SYNE1: variants seen among roughly 807,000 people sequenced by gnomAD.
The protein encoded by SYNE1 is spectrin repeat containing nuclear envelope protein 1, also known as nesprin-1.
A neutral mutation model predicts 1,111.0 loss-of-function variants in SYNE1; 616 were observed. That is an observed-to-expected ratio of 0.55 (90% CI 0.52 to 0.59). The LOEUF is 0.59. Among genes scored for constraint, SYNE1 ranks in the 20% least tolerant of loss-of-function variants. The probability of loss-of-function intolerance (pLI) is 0.00; values close to 1 mark genes in which losing one functional copy is unlikely to be tolerated. For synonymous variants in SYNE1, 3,855 were observed against 3,825.8 expected (o/e 1.01, Z -0.28); for missense variants, 10,006 against 10,417.0 (o/e 0.96, Z 1.72).
intron 55 of SYNE1, among the ~76,000 whole-genome samples, chr6:152,383,895 C>G (rs1478467103): frequency 2.6e-5 from 4 of 152,166 alleles, no homozygotes; most frequent in Non-Finnish European, 5.9e-5. Context: ...TATCACCAGG[C>G]TCCTCCGCAT....
In SYNE1 at chr6:152,502,629, C is replaced by G. The variant is rs749258298; in HGVS notation, c.888+4G>C. 80 of 1,608,234 alleles carry G rather than the reference C, an allele frequency of 5.0e-5. No homozygotes were observed. The highest frequency in any genetic ancestry group is 6.6e-5 in the Non-Finnish European group (77 of 1,174,876). ...AGTGATACTTGAAGAAAGCAAATAC[C>G]TACATCATCCTCTTGCCCATCAGTG... On this transcript the variant is annotated splice_donor_region_variant and intron_variant, in intron 10 of 145. Transcript: ENST00000367255.
chr6:152,179,986 A>C, intron 129 of SYNE1, 150 bp downstream of exon 129: 1 of 925,624 alleles, frequency 1.1e-6, no homozygotes, highest in Non-Finnish European at 1.6e-6. Context: ...CCCAGCTGCA[A>C]GTTTATTTTA....
intron 3 of SYNE1, among the ~76,000 whole-genome samples, chr6:152,576,658 G>T (rs2099497704): frequency 6.6e-6 from 1 of 152,128 alleles, no homozygotes; most frequent in African/African-American, 2.4e-5. Flanking sequence ...AGTCACAGCA[G>T]GTATAAGGAC....
At chr6:152,474,457 C>G (rs6557230) in intron 14 of SYNE1, among the ~76,000 whole-genome samples, 74,346 of 151,556 alleles carry the variant, frequency 0.49, 20,136 homozygotes, top group East Asian at 0.75. Context: ...TTGAGTCTTA[C>G]AATGTGAACA....
intron 128 of SYNE1, among the ~76,000 whole-genome samples, chr6:152,181,412 AAAC>A (rs1395165698): frequency 2.0e-5 from 3 of 152,222 alleles, no homozygotes; most frequent in East Asian, 1.9e-4. Flanking sequence ...ACTCCACCTC[AAAC>A]AACAATGACC....
At position 152,269,196 on chromosome 6, in the gene SYNE1, T is replaced by C. The variant is rs886061202; in HGVS notation, c.18664A>G (p.Thr6222Ala). ...VQEWLAQART[T>A]WTQQRQSSLQ... ...CTGCTCTGCCGCTGCTGGGTCCATG[T>C]GGTGCGAGCTTGGGCCAGCCATTCC... The change falls in exon 99 of 146, where the codon ACA (threonine) becomes GCA (alanine). Residue 6222 changes from threonine to alanine, a missense_variant. Around this residue, in one of 7 missense-constraint regions of SYNE1, gnomAD observed 2,182 missense variants for 2,287.8 expected, o/e 0.95. Coordinates refer to ENST00000367255, the MANE Select transcript of SYNE1 (RefSeq NM_182961.4). 1 of 1,614,210 alleles carries C rather than the reference T, an allele frequency of 6.2e-7. No homozygotes were observed. Among genetic ancestry groups the C allele is most frequent in the Non-Finnish European group, 8.5e-7 (1 of 1,180,032 alleles).
At chr6:152,537,486 G>A (rs2099249042) in intron 4 of SYNE1, among the ~76,000 whole-genome samples, 2 of 151,484 alleles carry the variant, frequency 1.3e-5, no homozygotes, top group Non-Finnish European at 2.9e-5. Context: ...AATAATAAAA[G>A]CATGTTTTAA....
At chr6:152,188,185 G>T (rs1026696705) in intron 128 of SYNE1, among the ~76,000 whole-genome samples, 1 of 152,168 alleles carries the variant, frequency 6.6e-6, no homozygotes, top group African/African-American at 2.4e-5. Context: ...TAAGATGACT[G>T]ATCCATTTAA....
At chr6:152,309,771 G>C in intron 90 of SYNE1, 64 bp downstream of exon 90, 2 of 1,598,178 alleles carry the variant, frequency 1.3e-6, no homozygotes, top group Non-Finnish European at 8.5e-7. Context: ...CCCACACAAT[G>C]CTAAGAAAAG....
intron 115 of SYNE1, among the ~76,000 whole-genome samples, chr6:152,230,201 A>ATTTTTGTAGC (rs1310645946): frequency 6.6e-6 from 1 of 152,062 alleles, no homozygotes; most frequent in African/African-American, 2.4e-5. Flanking sequence ...CGTCTGGCTG[A>ATTTTTGTAGC]TTTTTGTAGC....
intron 3 of SYNE1, among the ~76,000 whole-genome samples, chr6:152,550,925 G>A (rs1244704477): frequency 6.6e-6 from 1 of 152,146 alleles, no homozygotes; most frequent in Non-Finnish European, 1.5e-5. Flanking sequence ...GGATGGAGAT[G>A]TGCACTCAGA....
At chr6:152,225,359 C>T (rs1437862951) in intron 116 of SYNE1, among the ~76,000 whole-genome samples, 3 of 151,692 alleles carry the variant, frequency 2.0e-5, no homozygotes, top group African/African-American at 4.8e-5. Context: ...TAAGATATTC[C>T]TTCCTCATAA....
chr6:152,163,151 G>A (rs181826541), intron 131 of SYNE1, among the ~76,000 whole-genome samples: 95 of 152,224 alleles, frequency 6.2e-4, no homozygotes, highest in Non-Finnish European at 1.1e-3. Context: ...TACCTCTAGC[G>A]GGGGATTTAC....
chr6:152,145,394 C>T, intron 137 of SYNE1: 2 of 1,259,452 alleles, frequency 1.6e-6, no homozygotes, highest in Non-Finnish European at 2.3e-6. Flanking sequence ...ATGCTAGAGC[C>T]ACAAAGCTGG....
intron 93 of SYNE1, 92 bp downstream of exon 93, chr6:152,300,549 T>G: frequency 9.5e-6 from 15 of 1,576,818 alleles, no homozygotes; most frequent in Non-Finnish European, 1.2e-5. Flanking sequence ...CAACAAAGTC[T>G]GAGATTCATA....
At chr6:152,424,902 C>A (rs900154412) in intron 39 of SYNE1, among the ~76,000 whole-genome samples, 2 of 152,106 alleles carry the variant, frequency 1.3e-5, no homozygotes, top group Non-Finnish European at 2.9e-5. Flanking sequence ...GGTATAGATG[C>A]CAATTGTTAA....
chr6:152,542,478 CATTT>C (rs1282513986), intron 3 of SYNE1, among the ~76,000 whole-genome samples: 8 of 152,022 alleles, frequency 5.3e-5, no homozygotes, highest in Admixed American at 1.3e-4. Flanking sequence ...TTTTAATTAT[CATTT>C]ATTTATCATT....
At chr6:152,252,740 A>G (rs1258599640) in intron 104 of SYNE1, among the ~76,000 whole-genome samples, 1 of 152,208 alleles carries the variant, frequency 6.6e-6, no homozygotes, top group African/African-American at 2.4e-5. Flanking sequence ...ACTAAATTGG[A>G]ACACAAATAT....
At chr6:152,594,908 C>A (rs2099576626) in intron 3 of SYNE1, among the ~76,000 whole-genome samples, 1 of 152,326 alleles carries the variant, frequency 6.6e-6, no homozygotes, top group East Asian at 1.9e-4. Context: ...ACATTCTTAT[C>A]AATGCCACAC....
Sources: allele counts gnomAD v4.1 joint callset (sites outside exome capture counted in the v4.1 genomes callset), GRCh38; gene constraint gnomAD v4.1.1; regional missense constraint gnomAD v4.1.1; transcripts MANE v1.5; gene names NCBI Gene and HGNC (gene_info 2026-07-23, HGNC 2026-07-21).